Variants in CMSS1 observed in about 807,000 individuals in gnomAD.
The protein encoded by CMSS1 is protein CMSS1.
In CMSS1, 33 loss-of-function variants were observed where a neutral mutation model predicts 43.5. That is an observed-to-expected ratio of 0.76 (90% CI 0.57 to 1.01). The LOEUF (loss-of-function observed/expected upper bound fraction) is 1.01, where lower values mean the gene tolerates loss of function less well. CMSS1 is among the 50% of genes least tolerant of loss of function. The pLI is 0.00. For missense variants in CMSS1, 313 were observed against 326.4 expected (o/e 0.96, Z 0.32); for synonymous variants, 115 against 117.2 (o/e 0.98, Z 0.12).
chr3:99,867,224 T>C (rs1261571960), intron 1 of CMSS1, among the ~76,000 whole-genome samples: 1 of 152,230 alleles, frequency 6.6e-6, no homozygotes, highest in Non-Finnish European at 1.5e-5. Flanking sequence ...CTGCTTATAC[T>C]GTCCCTGAGC....
At chr3:100,025,535 A>T (rs2064903522) in intron 1 of CMSS1, 1 of 152,180 alleles carries the variant, frequency 6.6e-6, no homozygotes, top group Non-Finnish European at 1.5e-5. Flanking sequence ...GAACGGGGAA[A>T]GATGTTATAC....
chr3:100,015,157 T>C (rs2130370), intron 1 of CMSS1, among the ~76,000 whole-genome samples: 145,649 of 151,988 alleles, frequency 0.96, 69,832 homozygotes, highest in East Asian at 1. Context: ...GCTGTCCTTT[T>C]CCTATTTTGC....
chr3:99,943,730 G>A (rs1178620582), intron 1 of CMSS1, among the ~76,000 whole-genome samples: 1 of 152,106 alleles, frequency 6.6e-6, no homozygotes, highest in Non-Finnish European at 1.5e-5. Flanking sequence ...CATCTTTGGT[G>A]TCTTGGAGCT....
chr3:99,889,744 A>AT (rs1452963596), intron 1 of CMSS1, among the ~76,000 whole-genome samples: 2 of 151,976 alleles, frequency 1.3e-5, no homozygotes, highest in Admixed American at 6.6e-5. Flanking sequence ...GACCCTATAA[A>AT]TTCCATCTCA....
intron 1 of CMSS1, among the ~76,000 whole-genome samples, chr3:100,015,384 C>T (rs1323611340): frequency 4.6e-5 from 7 of 151,990 alleles, no homozygotes; most frequent in African/African-American, 1.5e-4. Context: ...TGGTTTCATA[C>T]GAATTTTAGG....
At chr3:100,106,532 C>T (rs2066398195) in intron 1 of CMSS1, among the ~76,000 whole-genome samples, 1 of 152,132 alleles carries the variant, frequency 6.6e-6, no homozygotes, top group South Asian at 2.1e-4. Flanking sequence ...TGACTCTTTA[C>T]CCAAAGAAAG....
At chr3:99,871,709 G>T (rs1944795685) in intron 1 of CMSS1, among the ~76,000 whole-genome samples, 1 of 152,146 alleles carries the variant, frequency 6.6e-6, no homozygotes, top group Admixed American at 6.5e-5. Context: ...TTAGCTGGAA[G>T]ATACTAATAG....
Position 100,178,289 on chromosome 3 carries a change from C to G in CMSS1, c.757-16C>G, listed in dbSNP as rs1200423544. The G allele has an allele frequency of 2.6e-6, 4 of 1,566,076 alleles. No individual in the cohort carries two copies. The highest frequency in any genetic ancestry group is 2.2e-5 in the East Asian group (1 of 44,596). On this transcript the variant is annotated splice_polypyrimidine_tract_variant and intron_variant, in intron 9 of 9. Coordinates refer to ENST00000421999, the MANE Select transcript of CMSS1 (RefSeq NM_032359.4). The stretch of plus-strand genomic sequence containing the variant: ...CTTGATCTTAATCTTTTTTTCCCCC[C>G]TTTTCTCTCATTTAGATAAGAAAGG...
intron 2 of CMSS1, among the ~76,000 whole-genome samples, chr3:100,158,410 C>T (rs905634859): frequency 1.3e-5 from 2 of 152,250 alleles, no homozygotes; most frequent in African/African-American, 2.4e-5. Context: ...GTGGCTTGGC[C>T]GGATTCTTTC....
chr3:100,152,444 C>G (rs1280490612), intron 2 of CMSS1, among the ~76,000 whole-genome samples: 1 of 152,086 alleles, frequency 6.6e-6, no homozygotes, highest in Non-Finnish European at 1.5e-5. Flanking sequence ...TCTTCTCTAC[C>G]TTGGGCCCTT....
In CMSS1 at chr3:100,180,165, C is replaced by T; in HGVS notation, c.*1777C>T. The stretch of plus-strand genomic sequence containing the variant: ...CGAAACCATTTTTTTCCTCCTAGGC[C>T]TCTGGGCCTGTTTGGTGGGGCTGGG... On this transcript the variant is annotated 3_prime_UTR_variant, in exon 10 of 10. Coordinates refer to ENST00000421999, the MANE Select transcript of CMSS1 (RefSeq NM_032359.4). 1 of 152,270 alleles carries T rather than the reference C, an allele frequency of 6.6e-6. No homozygotes were observed. Among genetic ancestry groups the T allele is most frequent in the South Asian group, 2.1e-4 (1 of 4,826 alleles). 9.4% of individuals were successfully genotyped at this position (152,270 alleles called of 1,614,324 possible).
At chr3:99,914,625 G>T (rs1254890509) in intron 1 of CMSS1, among the ~76,000 whole-genome samples, 1 of 152,120 alleles carries the variant, frequency 6.6e-6, no homozygotes, top group Non-Finnish European at 1.5e-5. Flanking sequence ...GTTAGTAATG[G>T]TATAAATATC....
chr3:99,876,827 G>A (rs1449307831), intron 1 of CMSS1, among the ~76,000 whole-genome samples: 1 of 152,086 alleles, frequency 6.6e-6, no homozygotes, highest in Non-Finnish European at 1.5e-5. Context: ...GCATGCCTGT[G>A]TTTTAACGAA....
intron 1 of CMSS1, among the ~76,000 whole-genome samples, chr3:99,924,990 C>T (rs149561108): frequency 3.3e-5 from 5 of 152,278 alleles, no homozygotes; most frequent in East Asian, 1.9e-4. Context: ...CTTTCTGACA[C>T]TCTTATGTCT....
At chr3:100,007,291 T>C (rs1168276586) in intron 1 of CMSS1, among the ~76,000 whole-genome samples, 1 of 152,212 alleles carries the variant, frequency 6.6e-6, no homozygotes, top group Non-Finnish European at 1.5e-5. Flanking sequence ...GATGAAAATA[T>C]CTTATTTCCT....
chr3:100,077,941 T>C (rs959264766), intron 1 of CMSS1, among the ~76,000 whole-genome samples: 5 of 152,122 alleles, frequency 3.3e-5, no homozygotes, highest in South Asian at 2.1e-4. Flanking sequence ...ATTATTAAAA[T>C]AGAAATTTAG....
intron 1 of CMSS1, among the ~76,000 whole-genome samples, chr3:100,047,451 A>G (rs1345188186): frequency 1.3e-5 from 2 of 152,234 alleles, no homozygotes; most frequent in African/African-American, 4.8e-5. Flanking sequence ...GTTTAAAAAA[A>G]CTAAAGTATC....
intron 1 of CMSS1, among the ~76,000 whole-genome samples, chr3:99,912,815 T>G (rs1706834426): frequency 6.6e-6 from 1 of 152,334 alleles, no homozygotes. Flanking sequence ...CTGTGAATAT[T>G]TGTGTACAGA....
At chr3:100,048,698 C>T (rs1449037685) in intron 1 of CMSS1, among the ~76,000 whole-genome samples, 3 of 152,100 alleles carry the variant, frequency 2.0e-5, no homozygotes, top group Non-Finnish European at 1.5e-5. Context: ...CTAAAGGAAG[C>T]AATCAAGTCC....
Sources: allele counts gnomAD v4.1 joint callset (sites outside exome capture counted in the v4.1 genomes callset), GRCh38; gene constraint gnomAD v4.1.1; transcripts MANE v1.5; gene names NCBI Gene and HGNC (gene_info 2026-07-23, HGNC 2026-07-21).